ATP2B2: variants seen among roughly 807,000 people sequenced by gnomAD.
The protein encoded by ATP2B2 is plasma membrane calcium-transporting ATPase 2.
In ATP2B2, 15 loss-of-function variants were observed where a neutral mutation model predicts 120.0. The observed-to-expected ratio is 0.12, with a 90% CI of 0.08 to 0.19. ATP2B2 has a LOEUF of 0.19. ATP2B2 is among the 10% of genes least tolerant of loss of function. The probability of loss-of-function intolerance (pLI) is 1.00; values close to 1 mark genes in which losing one functional copy is unlikely to be tolerated. For synonymous variants in ATP2B2, 694 were observed against 700.3 expected (o/e 0.99, Z 0.14); for missense variants, 1,045 against 1,719.8 (o/e 0.61, Z 6.94).
chr3:10,688,818 A>G lies in ATP2B2; in HGVS notation c.-460+19097T>C, dbSNP rs2071588103. 2.6e-5 allele frequency among the ~76,000 whole-genome samples: 4 copies of G among 152,340 alleles called. No individual in the cohort carries two copies. In the South Asian group the frequency reaches 8.3e-4, roughly 32 times the overall value. On this transcript the variant is annotated intron_variant, in intron 1 of 21. Coordinates refer to the ATP2B2 transcript ENST00000646379. ...GATGGAATTCCTCGCTTGACTGAGG[A>G]TGGAAATGCAGTGAAGACATCTTGG...
chr3:10,620,154 G>A (rs2069506167), intron 1 of ATP2B2, among the ~76,000 whole-genome samples: 1 of 152,186 alleles, frequency 6.6e-6, no homozygotes, highest in Admixed American at 6.5e-5. Context: ...GCATCTCTGG[G>A]CCAGGTGCCA....
chr3:10,700,836 T>G (rs980847440), intron 1 of ATP2B2, among the ~76,000 whole-genome samples: 1 of 152,218 alleles, frequency 6.6e-6, no homozygotes, highest in Non-Finnish European at 1.5e-5. Context: ...AGAACCAGAC[T>G]GAGGGAGGTT....
chr3:10,647,692 G>A (rs556930391), intron 1 of ATP2B2, among the ~76,000 whole-genome samples: 2 of 152,336 alleles, frequency 1.3e-5, no homozygotes, highest in East Asian at 3.9e-4. Context: ...GACAGTAGAT[G>A]TTCCTAGGAC....
intron 2 of ATP2B2, among the ~76,000 whole-genome samples, chr3:10,541,591 T>C (rs2067441394): frequency 6.6e-6 from 1 of 152,244 alleles, no homozygotes; most frequent in Admixed American, 6.5e-5. Context: ...CTTTCTGTTA[T>C]TGACTTCTGG....
At chr3:10,571,961 G>A (rs769151528) in intron 2 of ATP2B2, among the ~76,000 whole-genome samples, 1 of 152,156 alleles carries the variant, frequency 6.6e-6, no homozygotes, top group Non-Finnish European at 1.5e-5. Flanking sequence ...TCCCATTAAG[G>A]GGGTCAACTT....
chr3:10,512,461 T>TGTGCGC (rs1553623891), intron 3 of ATP2B2, among the ~76,000 whole-genome samples: 2 of 102,922 alleles, frequency 1.9e-5, no homozygotes, highest in African/African-American at 7.4e-5. Context: ...CTAAAGTGTG[T>TGTGCGC]GCGCACACAC....
Position 10,540,246 on chromosome 3 carries a change from T to C in ATP2B2, c.-414-6113A>G, listed in dbSNP as rs967992734. Among the ~76,000 whole-genome samples, 76 of 152,232 alleles carry C rather than the reference T, an allele frequency of 5.0e-4. 1 individual carries two copies. The highest frequency in any genetic ancestry group is 1.8e-3 in the African/African-American group (74 of 41,528). On this transcript the variant is annotated intron_variant, in intron 2 of 21. Transcript: ENST00000646379. ...AGGTGCTGGAGAGGATGTAGAGAAA[T>C]AGGAACACTTTTACACTGTTGGTGG...
chr3:10,372,957 T>C (rs2125509854), intron 11 of ATP2B2, among the ~76,000 whole-genome samples: 1 of 152,358 alleles, frequency 6.6e-6, no homozygotes, highest in East Asian at 1.9e-4. Context: ...AGGAATTTGA[T>C]TTCCTTTATT....
At chr3:10,475,142 T>G (rs1186231416) in intron 1 of ATP2B2, among the ~76,000 whole-genome samples, 1 of 152,216 alleles carries the variant, frequency 6.6e-6, no homozygotes, top group Non-Finnish European at 1.5e-5. Context: ...ACTGAACATT[T>G]GCTGAGCCTC....
intron 2 of ATP2B2, among the ~76,000 whole-genome samples, chr3:10,587,963 G>T (rs1288472390): frequency 6.6e-6 from 1 of 152,156 alleles, no homozygotes; most frequent in Non-Finnish European, 1.5e-5. Flanking sequence ...CAAATCCATA[G>T]TGAGAATTTT....
At chr3:10,606,725 CTGTGTGTA>C (rs1448472187) in intron 2 of ATP2B2, among the ~76,000 whole-genome samples, 2 of 152,070 alleles carry the variant, frequency 1.3e-5, no homozygotes, top group Non-Finnish European at 2.9e-5. Context: ...ATGTGTGTGT[CTGTGTGTA>C]TGTGTGTTTT....
At chr3:10,665,887 G>A (rs762706761) in intron 1 of ATP2B2, among the ~76,000 whole-genome samples, 14 of 152,170 alleles carry the variant, frequency 9.2e-5, no homozygotes, top group Non-Finnish European at 1.6e-4. Flanking sequence ...GACCAGAGAA[G>A]GGCTCTGCTT....
At chr3:10,396,641 T>C (rs17032817) in intron 5 of ATP2B2, among the ~76,000 whole-genome samples, 28,128 of 152,086 alleles carry the variant, frequency 0.18, 3,184 homozygotes, top group East Asian at 0.43. Context: ...TTCAGAACAC[T>C]GGGGAAGAAA....
At chr3:10,616,081 G>C (rs1245052751) in intron 2 of ATP2B2, among the ~76,000 whole-genome samples, 1 of 152,168 alleles carries the variant, frequency 6.6e-6, no homozygotes, top group African/African-American at 2.4e-5. Context: ...TCCCACTACA[G>C]TTCCAAGTTC....
intron 19 of ATP2B2, among the ~76,000 whole-genome samples, chr3:10,341,398 C>T (rs1458326641): frequency 6.6e-6 from 1 of 152,156 alleles, no homozygotes; most frequent in African/African-American, 2.4e-5. Flanking sequence ...GCAACACCCG[C>T]CTCCTGGGTT....
intron 1 of ATP2B2, among the ~76,000 whole-genome samples, chr3:10,470,957 C>T (rs56284847): frequency 0.11 from 16,301 of 152,204 alleles, 1,821 homozygotes; most frequent in African/African-American, 0.28. Context: ...GGACAACAGG[C>T]CTTGCCTCAG....
chr3:10,442,932 G>A (rs73117770), intron 2 of ATP2B2, among the ~76,000 whole-genome samples: 2,569 of 152,264 alleles, frequency 0.017, 87 homozygotes, highest in African/African-American at 0.059. Context: ...AAGAAACTGA[G>A]GCACAGTTAG....
intron 2 of ATP2B2, among the ~76,000 whole-genome samples, chr3:10,425,643 T>C (rs1333496874): frequency 1.3e-5 from 2 of 152,192 alleles, no homozygotes; most frequent in African/African-American, 2.4e-5. Flanking sequence ...TTTTCCTCCA[T>C]GTACTGTCTC....
At position 10,346,428 on chromosome 3, in the gene ATP2B2, A is replaced by G. The variant is rs1434017583; in HGVS notation, c.2405-291T>C. On this transcript the variant is annotated intron_variant, in intron 16 of 22. Coordinates refer to ENST00000360273, the MANE Select transcript of ATP2B2 (RefSeq NM_001001331.4). This position sits in a 1 kb window ranked among gnomAD's most constrained non-coding sequence, Gnocchi z 4.1. The stretch of plus-strand genomic sequence containing the variant: ...GCAACCTGTGGCCACATTGGCATCC[A>G]TCCTAACCAGAAACACTGTATCCTC... 6.6e-6 allele frequency among the ~76,000 whole-genome samples: 1 copy of G among 152,204 alleles called. No individual in the cohort carries two copies. The highest frequency in any genetic ancestry group is 1.5e-5 in the Non-Finnish European group (1 of 68,028).
Sources: allele counts gnomAD v4.1 joint callset (sites outside exome capture counted in the v4.1 genomes callset), GRCh38; gene constraint gnomAD v4.1.1; non-coding constraint Gnocchi (gnomAD v3.1); transcripts MANE v1.5; gene names NCBI Gene and HGNC (gene_info 2026-07-23, HGNC 2026-07-21).